The following TOX variants were observed in gnomAD, a reference collection of about 807,000 sequenced individuals.
TOX encodes the protein thymocyte selection associated high mobility group box.
Under a neutral mutation model 53.7 loss-of-function variants are expected in TOX, and 11 were observed. That is an observed-to-expected ratio of 0.20 (90% confidence interval 0.13 to 0.34). TOX has a LOEUF of 0.34. Among genes scored for constraint, TOX ranks in the 10% least tolerant of loss-of-function variants. The pLI is 1.00. For synonymous variants in TOX, 225 were observed against 245.3 expected, an observed-to-expected ratio of 0.92 and a Z score of 0.77; for missense variants, 570 against 664.6, an observed-to-expected ratio of 0.86 and a Z score of 1.56.
At chr8:59,034,514 C>T (rs1207614735) in intron 1 of TOX, among the ~76,000 whole-genome samples, 1 of 151,760 alleles carries the variant, frequency 6.6e-6, no homozygotes, top group Non-Finnish European at 1.5e-5. Flanking sequence ...CTTGACACAA[C>T]TTCCTATCTC....
chr8:58,997,780 C>T (rs565292261), intron 1 of TOX, among the ~76,000 whole-genome samples: 1 of 152,146 alleles, frequency 6.6e-6, no homozygotes, highest in South Asian at 2.1e-4. Context: ...TTGGAAACCG[C>T]TTTTTGTTTT....
intron 3 of TOX, among the ~76,000 whole-genome samples, chr8:58,897,541 T>C (rs892465449): frequency 6.6e-6 from 1 of 152,180 alleles, no homozygotes; most frequent in Non-Finnish European, 1.5e-5. Context: ...AGTAATGTGT[T>C]CTCTGCTTCT....
At chr8:59,000,515 C>T (rs1813671483) in intron 1 of TOX, among the ~76,000 whole-genome samples, 1 of 152,156 alleles carries the variant, frequency 6.6e-6, no homozygotes, top group Admixed American at 6.6e-5. Context: ...TCATTATACT[C>T]ATCTTTGAAA....
At chr8:59,067,751 C>G (rs953203272) in intron 1 of TOX, among the ~76,000 whole-genome samples, 1 of 151,800 alleles carries the variant, frequency 6.6e-6, no homozygotes, top group East Asian at 1.9e-4. Flanking sequence ...AACTCCATCC[C>G]TGATTACAAC....
Position 58,939,330 on chromosome 8 carries a change from C to T in TOX, c.383G>A (p.Gly128Glu). 6.2e-7 allele frequency: 1 copy of T among 1,614,044 alleles called. No individual in the cohort carries two copies. The highest frequency in any genetic ancestry group is 8.5e-7 in the Non-Finnish European group (1 of 1,179,996). Reference sequence around the variant, plus strand: ...AGAAATGGAATTAGAAAGCAGTGTTCCATCCTGGCCCAGCATATTGGAGAC... The same window carrying T: ...AGAAATGGAATTAGAAAGCAGTGTTTCATCCTGGCCCAGCATATTGGAGAC... Reference protein sequence around the residue: ...ITVSNMLGQDGTLLSNSISVM... With the variant: ...ITVSNMLGQDETLLSNSISVM... Residue 128 changes from glycine to glutamate, a missense_variant, in exon 3 of 9, where the codon GGA becomes GAA. This residue lies in a region of TOX where 282 missense variants were observed against 315.0 expected (regional missense o/e 0.90). Coordinates refer to ENST00000361421, the MANE Select transcript of TOX (RefSeq NM_014729.3).
chr8:58,965,538 G>A (rs1812878093), intron 1 of TOX, among the ~76,000 whole-genome samples: 1 of 152,252 alleles, frequency 6.6e-6, no homozygotes, highest in East Asian at 1.9e-4. Context: ...AATGTGAAGT[G>A]TAAATCAGTC....
intron 5 of TOX, among the ~76,000 whole-genome samples, chr8:58,833,729 C>T (rs953256651): frequency 6.6e-5 from 10 of 152,264 alleles, no homozygotes; most frequent in South Asian, 6.2e-4. Flanking sequence ...CATTGTCTTA[C>T]GAGTCATTAG....
intron 3 of TOX, among the ~76,000 whole-genome samples, chr8:58,868,240 T>C (rs573670384): frequency 1.4e-4 from 22 of 152,316 alleles, no homozygotes; most frequent in African/African-American, 5.1e-4. Flanking sequence ...CATGTGGAAC[T>C]GTGAGTTCAT....
At chr8:58,873,852 G>C (rs1464752996) in intron 3 of TOX, among the ~76,000 whole-genome samples, 1 of 149,980 alleles carries the variant, frequency 6.7e-6, no homozygotes, top group African/African-American at 2.5e-5. Context: ...CATGAATATT[G>C]GATATTTCTC....
chr8:58,901,065 G>A (rs1811727910), intron 3 of TOX, among the ~76,000 whole-genome samples: 1 of 152,110 alleles, frequency 6.6e-6, no homozygotes, highest in African/African-American at 2.4e-5. Context: ...ACCAGTAACA[G>A]AGTAGCTTAT....
intron 1 of TOX, among the ~76,000 whole-genome samples, chr8:58,978,415 T>C (rs1306199533): frequency 3.3e-5 from 5 of 152,216 alleles, no homozygotes; most frequent in Non-Finnish European, 7.4e-5. Context: ...AGACTCCTCG[T>C]ATGCTTCTGG....
intron 1 of TOX, among the ~76,000 whole-genome samples, chr8:59,051,648 A>G (rs1443260610): frequency 6.6e-6 from 1 of 152,172 alleles, no homozygotes; most frequent in African/African-American, 2.4e-5. Context: ...CCTAAGTCTT[A>G]GCAAACAAAT....
chr8:59,079,039 T>A (rs1804348486), intron 1 of TOX, among the ~76,000 whole-genome samples: 1 of 152,170 alleles, frequency 6.6e-6, no homozygotes, highest in African/African-American at 2.4e-5. Flanking sequence ...ATTTAGGGTA[T>A]CTGGTGGAAG....
Position 58,815,509 on chromosome 8 carries a change from A to T in TOX, c.1221T>A (p.Thr407=). The change falls in exon 7 of 9, where the codon ACT becomes ACA. Residue 407 remains threonine, a synonymous_variant. Transcript: ENST00000361421. ...APKPNNQMPV[T]VSIANMAVSP... is the part of the protein sequence containing the mutation. ...ACACAGCCATGTTTGCTATAGAGAC[A>T]GTCACTGGCATTTGGTTATTCGGCT... 6.2e-7 allele frequency: 1 copy of T among 1,614,060 alleles called. No homozygotes were observed. The highest frequency in any genetic ancestry group is 8.5e-7 in the Non-Finnish European group (1 of 1,179,990).
chr8:58,814,224 G>T (rs553733299), intron 7 of TOX, among the ~76,000 whole-genome samples: 43 of 152,012 alleles, frequency 2.8e-4, no homozygotes, highest in Middle Eastern at 3.4e-3. Context: ...GCTTCATCTC[G>T]ATCCCAGTCC....
chr8:58,907,269 G>A (rs1811831735), intron 3 of TOX, among the ~76,000 whole-genome samples: 5 of 152,096 alleles, frequency 3.3e-5, no homozygotes, highest in African/African-American at 1.2e-4. Flanking sequence ...AGGGTCCATT[G>A]GACTTGATAA....
intron 5 of TOX, among the ~76,000 whole-genome samples, chr8:58,834,353 G>C (rs889103836): frequency 3.9e-5 from 6 of 152,138 alleles, no homozygotes; most frequent in African/African-American, 7.2e-5. Flanking sequence ...GCATCACATG[G>C]TTGGTTCTGT....
chr8:59,044,955 G>A (rs897553183), intron 1 of TOX, among the ~76,000 whole-genome samples: 1 of 152,222 alleles, frequency 6.6e-6, no homozygotes, highest in Non-Finnish European at 1.5e-5. Flanking sequence ...ATTAGTCGTG[G>A]AATGCCTTAG....
At chr8:58,811,492 A>G (rs1460924669) in intron 7 of TOX, among the ~76,000 whole-genome samples, 2 of 152,380 alleles carry the variant, frequency 1.3e-5, no homozygotes, top group South Asian at 2.1e-4. Context: ...ACAACCAAAC[A>G]GTGATCCTCA....
Sources: allele counts gnomAD v4.1 joint callset (sites outside exome capture counted in the v4.1 genomes callset), GRCh38; gene constraint gnomAD v4.1.1; regional missense constraint gnomAD v4.1.1; transcripts MANE v1.5; gene names NCBI Gene and HGNC (gene_info 2026-07-23, HGNC 2026-07-21).